HRK: variants seen among roughly 807,000 people sequenced by gnomAD.
HRK encodes harakiri, BCL2 interacting protein, also known as activator of apoptosis harakiri.
HRK carries 6 observed loss-of-function variants against 5.9 expected under a neutral mutation model. That is an observed-to-expected ratio of 1.02 (90% CI 0.56 to 2.01). HRK has a LOEUF of 2.01. HRK is among the 30% of genes most tolerant of loss of function. The pLI is 0.00. For synonymous variants in HRK, 85 were observed against 65.1 expected (o/e 1.31, Z -1.47); for missense variants, 133 against 128.3 (o/e 1.04, Z -0.18).
At chr12:116,866,962 G>A (rs1878570394) in intron 1 of HRK, among the ~76,000 whole-genome samples, 1 of 151,934 alleles carries the variant, frequency 6.6e-6, no homozygotes, top group African/African-American at 2.4e-5. Flanking sequence ...TCACTTTCAG[G>A]AACTTCACTT....
chr12:116,875,951 T>C (rs1004399812), intron 1 of HRK, among the ~76,000 whole-genome samples: 4 of 152,188 alleles, frequency 2.6e-5, no homozygotes, highest in African/African-American at 7.2e-5. Flanking sequence ...TAGCTTTCTA[T>C]TCCCGTGAAA....
In HRK at chr12:116,858,130, A is replaced by AC. The variant is rs1378783973; in HGVS notation, c.*3392_*3393insG. On this transcript the variant is annotated 3_prime_UTR_variant, in exon 2 of 2. Transcript: ENST00000257572. ...AATGAAGGCGGCTAAAAAAAAAAAA[A>AC]AAAAACGAACAAAAAAACAGGAACT... is the stretch of plus-strand genomic sequence containing the variant. 1.3e-5 allele frequency: 2 copies of AC among 150,822 alleles called. No individual in the cohort carries two copies. The highest frequency in any genetic ancestry group is 1.3e-4 in the Admixed American group (2 of 15,128). The allele number at this position is 150,822 out of a possible 1,614,324, so 9.3% of individuals were successfully genotyped here. A position where few individuals can be genotyped will look rare whatever the true frequency, so the allele number is the denominator to read the frequency against.
intron 1 of HRK, 59 bp downstream of exon 1, chr12:116,880,917 G>C: frequency 1.4e-6 from 1 of 735,868 alleles, no homozygotes; most frequent in East Asian, 4.0e-5. Context: ...TCCCGGGCCA[G>C]CCCAGCGTCT....
intron 1 of HRK, among the ~76,000 whole-genome samples, chr12:116,875,705 G>C (rs1168745789): frequency 6.6e-6 from 1 of 151,978 alleles, no homozygotes; most frequent in Non-Finnish European, 1.5e-5. Flanking sequence ...CATCATGCCT[G>C]GCTAATTTTT....
intron 1 of HRK, among the ~76,000 whole-genome samples, chr12:116,880,683 G>A (rs1356609496): frequency 6.6e-6 from 1 of 152,098 alleles, no homozygotes; most frequent in African/African-American, 2.4e-5. Flanking sequence ...TGGGGCTGGT[G>A]GGGATTATGG....
chr12:116,863,836 G>T (rs1467343616), intron 1 of HRK, among the ~76,000 whole-genome samples: 1 of 151,834 alleles, frequency 6.6e-6, no homozygotes, highest in Non-Finnish European at 1.5e-5. Flanking sequence ...TGGGACTATC[G>T]GCATGCACCA....
intron 1 of HRK, among the ~76,000 whole-genome samples, chr12:116,863,153 T>C (rs116701870): frequency 5.3e-4 from 81 of 152,302 alleles, no homozygotes; most frequent in African/African-American, 1.9e-3. Flanking sequence ...CCAAGTGATA[T>C]AGGAGAGAAA....
At position 116,858,883 on chromosome 12, in the gene HRK, A is replaced by G. The variant is rs1878253942; in HGVS notation, c.*2640T>C. On this transcript the variant is annotated 3_prime_UTR_variant, in exon 2 of 2. Transcript: ENST00000257572. ...CAATCCAAGTAATACAACAGGAGAG[A>G]TGGTGGAGACAATATATACATATAT... 6.6e-6 allele frequency: 1 copy of G among 152,048 alleles called. No homozygotes were observed. The highest frequency in any genetic ancestry group is 6.6e-5 in the Admixed American group (1 of 15,264). The allele number at this position is 152,048 out of a possible 1,614,324, so 9.4% of individuals were successfully genotyped here. A position where few individuals can be genotyped will look rare whatever the true frequency, so the allele number is the denominator to read the frequency against.
Position 116,857,435 on chromosome 12 carries a change from C to T in HRK, c.*4088G>A, listed in dbSNP as rs113895377. The T allele has an allele frequency of 1.3e-5, 2 of 152,322 alleles. No homozygotes were observed. Among genetic ancestry groups the T allele is most frequent in the Non-Finnish European group, 2.9e-5 (2 of 68,030 alleles). The allele number at this position is 152,322 out of a possible 1,614,324, so 9.4% of individuals were successfully genotyped here. ...CCCCAAACCCTTAACCAACTTCTGACCTTCAGAAAAGAAATGGGTATTGAC... is the reference window on the plus strand; with the variant it reads ...CCCCAAACCCTTAACCAACTTCTGATCTTCAGAAAAGAAATGGGTATTGAC... On this transcript the variant is annotated 3_prime_UTR_variant, in exon 2 of 2. Coordinates refer to ENST00000257572, the MANE Select transcript of HRK (RefSeq NM_003806.4).
rs1309850096 is a variant in HRK, at chr12:116,870,807, A to AATAC, written c.*57-9342_*57-9341insGTAT. On this transcript the variant is annotated intron_variant, in intron 1 of 1. Transcript: ENST00000257572. ...AGAGAGACCCTGTCTCAAATAAATAAATAAAGGCCAATGACATGAATGAGA... is the reference window on the plus strand; with the variant it reads ...AGAGAGACCCTGTCTCAAATAAATAAATACATAAAGGCCAATGACATGAATGAGA... Among the ~76,000 whole-genome samples the AATAC allele has an allele frequency of 2.1e-3, 316 of 152,280 alleles. 1 individual carries two copies. Among genetic ancestry groups the AATAC allele is most frequent in the African/African-American group, 7.4e-3 (307 of 41,546 alleles).
At chr12:116,867,285 G>C (rs759445080) in intron 1 of HRK, among the ~76,000 whole-genome samples, 3 of 151,924 alleles carry the variant, frequency 2.0e-5, no homozygotes, top group Non-Finnish European at 4.4e-5. Context: ...GGGATTACAG[G>C]CATGCACCAC....
chr12:116,871,929 T>C (rs192450273), intron 1 of HRK, among the ~76,000 whole-genome samples: 139 of 152,060 alleles, frequency 9.1e-4, no homozygotes, highest in Middle Eastern at 3.4e-3. Flanking sequence ...TTTTTTTTTT[T>C]CTTTGAGATG....
rs778328262 is a variant in HRK at position 116,856,571 on chromosome 12, C to T, written c.*4952G>A. 2.7e-4 allele frequency: 41 copies of T among 152,212 alleles called. No homozygotes were observed. The highest frequency in any genetic ancestry group is 6.3e-4 in the African/African-American group (26 of 41,452). The allele number at this position is 152,212 out of a possible 1,614,324, so 9.4% of individuals were successfully genotyped here. A position where few individuals can be genotyped will look rare whatever the true frequency, so the allele number is the denominator to read the frequency against. On this transcript the variant is annotated 3_prime_UTR_variant, in exon 2 of 2. Coordinates refer to ENST00000257572, the MANE Select transcript of HRK (RefSeq NM_003806.4). The surrounding 1 kb of genome is among the most constrained non-coding windows in gnomAD (Gnocchi z 4.4). ...GGGCATGAGTATATAAAATCCACAACGAAACCAACCAGCCTGTCCTTGAGT... is the reference window on the plus strand; with the variant it reads ...GGGCATGAGTATATAAAATCCACAATGAAACCAACCAGCCTGTCCTTGAGT...
chr12:116,861,902 T>C (rs1878380337), intron 1 of HRK, among the ~76,000 whole-genome samples: 1 of 152,354 alleles, frequency 6.6e-6, no homozygotes, highest in African/African-American at 2.4e-5. Flanking sequence ...TTTGTTTGTT[T>C]GTTCGTTCAT....
At chr12:116,869,880 G>T (rs181182625) in intron 1 of HRK, among the ~76,000 whole-genome samples, 37 of 152,208 alleles carry the variant, frequency 2.4e-4, no homozygotes, top group Admixed American at 2.0e-3. Flanking sequence ...AGGAGTTAGA[G>T]CACCAAACTG....
intron 1 of HRK, among the ~76,000 whole-genome samples, chr12:116,870,721 T>C (rs888033165): frequency 5.3e-5 from 8 of 152,088 alleles, no homozygotes; most frequent in Admixed American, 1.3e-4. Context: ...GAGAATCACT[T>C]GAGCCCAGGT....
rs146607495 is a variant in HRK, at chr12:116,881,397, C to T, written c.-90G>A. ...GCGCCCGCTGCCGCCGCGCTCCAGC[C>T]GCCGGGGGCCTCCCCTGGACACCAA... is the stretch of plus-strand genomic sequence containing the variant. On this transcript the variant is annotated 5_prime_UTR_variant, in exon 1 of 2. Transcript: ENST00000257572. 0.09 allele frequency: 89,506 copies of T among 995,938 alleles called. 4,249 individuals carry two copies. The highest frequency in any genetic ancestry group is 0.098 in the Non-Finnish European group (81,309 of 833,030). 61.7% of individuals were successfully genotyped at this position (995,938 alleles called of 1,614,324 possible).
intron 1 of HRK, among the ~76,000 whole-genome samples, chr12:116,869,950 G>T (rs924253774): frequency 6.6e-6 from 1 of 152,060 alleles, no homozygotes; most frequent in African/African-American, 2.4e-5. Context: ...CGTGGTGGTG[G>T]GCACCTGTAA....
intron 1 of HRK, among the ~76,000 whole-genome samples, chr12:116,868,226 C>A (rs1047693944): frequency 2.6e-5 from 4 of 151,084 alleles, no homozygotes; most frequent in Admixed American, 2.6e-4. Context: ...GAGTAATGGG[C>A]ACTACAGGAA....
Sources: gnomAD v4.1 joint callset for allele counts (sites outside exome capture counted in the v4.1 genomes callset) on GRCh38, gnomAD v4.1.1 for gene constraint, Gnocchi (gnomAD v3.1) non-coding constraint, MANE v1.5 for transcripts, NCBI Gene and HGNC (gene_info 2026-07-23, HGNC 2026-07-21) for gene names.